Variants in PTPRN2 observed in about 807,000 individuals in gnomAD.
PTPRN2 encodes receptor-type tyrosine-protein phosphatase N2.
Under a neutral mutation model 118.8 loss-of-function variants are expected in PTPRN2, and 74 were observed. The ratio of observed to expected loss-of-function variants is 0.62; its 90% CI spans 0.52 to 0.76. The LOEUF is 0.76. Ranked by LOEUF, PTPRN2 falls within the 30% of genes least tolerant of loss-of-function variation. The probability of loss-of-function intolerance (pLI) is 0.00; values close to 1 mark genes in which losing one functional copy is unlikely to be tolerated. For synonymous variants in PTPRN2, 641 were observed against 608.0 expected, an observed-to-expected ratio of 1.05 and a Z score of -0.80; for missense variants, 1,481 against 1,394.4, an observed-to-expected ratio of 1.06 and a Z score of -0.99.
At chr7:158,326,447 C>T (rs575276288) in intron 2 of PTPRN2, among the ~76,000 whole-genome samples, 1 of 152,370 alleles carries the variant, frequency 6.6e-6, no homozygotes, top group African/African-American at 2.4e-5. Flanking sequence ...TTAATGCACA[C>T]TTGTACACGT....
chr7:158,168,499 A>G (rs988141341), intron 5 of PTPRN2, among the ~76,000 whole-genome samples: 1 of 152,148 alleles, frequency 6.6e-6, no homozygotes, highest in Non-Finnish European at 1.5e-5. Context: ...GCTGCTCCCC[A>G]ATAGCTGAAT....
intron 11 of PTPRN2, among the ~76,000 whole-genome samples, chr7:157,924,725 G>A (rs191447789): frequency 2.9e-4 from 44 of 152,372 alleles, no homozygotes; most frequent in African/African-American, 5.8e-4. Flanking sequence ...CACTTGGCAC[G>A]GTACCCTCTG....
chr7:158,177,381 T>C (rs1406408941), intron 5 of PTPRN2, among the ~76,000 whole-genome samples: 1 of 152,198 alleles, frequency 6.6e-6, no homozygotes, highest in Non-Finnish European at 1.5e-5. Flanking sequence ...GAAGTATCCG[T>C]TCAAAGTTTT....
chr7:157,753,661 G>A (rs10278758), intron 12 of PTPRN2, among the ~76,000 whole-genome samples: 2,341 of 147,840 alleles, frequency 0.016, 52 homozygotes, highest in African/African-American at 0.047. Flanking sequence ...CCTCCCCTCC[G>A]TTCTCTACCA....
intron 11 of PTPRN2, among the ~76,000 whole-genome samples, chr7:157,954,016 T>C (rs114001756): frequency 2.0e-5 from 3 of 152,208 alleles, no homozygotes; most frequent in African/African-American, 4.8e-5. Flanking sequence ...TATCTGAGGC[T>C]GCAACAGGCA....
chr7:158,196,922 CAG>C (rs1280436717), intron 4 of PTPRN2, among the ~76,000 whole-genome samples: 6 of 152,196 alleles, frequency 3.9e-5, no homozygotes, highest in Admixed American at 2.6e-4. Flanking sequence ...TCATCCCCAG[CAG>C]AGCTCCACAA....
chr7:158,245,205 TCCACGGTCATGCCGGAAC>T (rs1205174343), intron 3 of PTPRN2, among the ~76,000 whole-genome samples: 12 of 99,780 alleles, frequency 1.2e-4, no homozygotes, highest in African/African-American at 3.9e-4. Flanking sequence ...CATGCTGGAA[TCCACGGTCATGCCGGAAC>T]CCATGGCCAT....
intron 14 of PTPRN2, among the ~76,000 whole-genome samples, chr7:157,639,363 G>A (rs565540531): frequency 1.3e-5 from 2 of 152,330 alleles, no homozygotes; most frequent in South Asian, 4.1e-4. Context: ...AGAACACACA[G>A]TTGGTTCTTG....
intron 3 of PTPRN2, among the ~76,000 whole-genome samples, chr7:158,208,475 T>C (rs768385301): frequency 4.6e-5 from 7 of 152,220 alleles, no homozygotes; most frequent in African/African-American, 1.7e-4. Context: ...CAGTGGAAAC[T>C]TTACAGGCCA....
intron 9 of PTPRN2, among the ~76,000 whole-genome samples, chr7:158,116,709 G>T (rs754191321): frequency 1.3e-5 from 2 of 152,076 alleles, no homozygotes; most frequent in Non-Finnish European, 1.5e-5. Context: ...GACTTACAGG[G>T]GATTTAAAAT....
At position 157,962,395 on chromosome 7, in the gene PTPRN2, G is replaced by A. The variant is rs77401900; in HGVS notation, c.1724-63658C>T. ...CCCTTCCCGTTTCCTGTTCCTTGGT[G>A]TTGACTTTAATGCATATGTTCAGAT... On this transcript the variant is annotated intron_variant, in intron 11 of 22. Coordinates refer to ENST00000389418, the MANE Select transcript of PTPRN2 (RefSeq NM_002847.5). 0.01 allele frequency among the ~76,000 whole-genome samples: 1,593 copies of A among 152,246 alleles called. 162 individuals carry two copies. The East Asian group carries it at 0.24, about 23-fold the overall frequency.
At chr7:157,950,751 C>T (rs1194022766) in intron 11 of PTPRN2, among the ~76,000 whole-genome samples, 1 of 152,118 alleles carries the variant, frequency 6.6e-6, no homozygotes, top group Admixed American at 6.5e-5. Flanking sequence ...AGTGAAAGCG[C>T]CTTCTTTCCA....
At chr7:158,091,206 T>C (rs140483493) in intron 10 of PTPRN2, among the ~76,000 whole-genome samples, 2 of 152,358 alleles carry the variant, frequency 1.3e-5, no homozygotes, top group Non-Finnish European at 2.9e-5. Context: ...GTTTTCTGAA[T>C]AGACACTGCC....
At chr7:158,157,700 A>C (rs1427120684) in intron 6 of PTPRN2, among the ~76,000 whole-genome samples, 1 of 152,196 alleles carries the variant, frequency 6.6e-6, no homozygotes. Flanking sequence ...TGTGTCCTCA[A>C]GGTGCAGTGA....
At chr7:157,848,339 T>C (rs1809026532) in intron 12 of PTPRN2, among the ~76,000 whole-genome samples, 1 of 150,816 alleles carries the variant, frequency 6.6e-6, no homozygotes, top group South Asian at 2.1e-4. Flanking sequence ...CACTCCCTCA[T>C]GGGTGCAGTA....
intron 1 of PTPRN2, among the ~76,000 whole-genome samples, chr7:158,490,096 C>T (rs920756198): frequency 2.6e-5 from 4 of 152,188 alleles, no homozygotes; most frequent in Admixed American, 6.5e-5. Context: ...AGCAGCGGGG[C>T]CGGGGCCTCC....
intron 1 of PTPRN2, among the ~76,000 whole-genome samples, chr7:158,543,859 G>T (rs1188985028): frequency 1.3e-5 from 2 of 152,204 alleles, no homozygotes; most frequent in African/African-American, 4.8e-5. Context: ...CAAGGAAAGG[G>T]GTCAGCCTCC....
chr7:158,518,133 G>T (rs962965395), intron 1 of PTPRN2, among the ~76,000 whole-genome samples: 2 of 152,188 alleles, frequency 1.3e-5, no homozygotes, highest in African/African-American at 4.8e-5. Context: ...CTCAGTTACT[G>T]CCATGGTGTC....
Position 157,808,327 on chromosome 7 carries a change from T to C in PTPRN2, c.1788+90346A>G, listed in dbSNP as rs987330495. Among the ~76,000 whole-genome samples, 1 of 151,392 alleles carries C rather than the reference T, an allele frequency of 6.6e-6. No homozygotes were observed. The highest frequency in any genetic ancestry group is 1.5e-5 in the Non-Finnish European group (1 of 67,810). ...GGTGAGTGAGTACGTGAGTGGCAGG[T>C]AAGCGGGTGAGTGGCGGGTGAGTGA... On this transcript the variant is annotated intron_variant, in intron 12 of 22. Transcript: ENST00000389418. The surrounding 1 kb of genome is among the most constrained non-coding windows in gnomAD (Gnocchi z 5.0).
Sources: allele counts gnomAD v4.1 joint callset (sites outside exome capture counted in the v4.1 genomes callset), GRCh38; gene constraint gnomAD v4.1.1; non-coding constraint Gnocchi (gnomAD v3.1); transcripts MANE v1.5; gene names NCBI Gene and HGNC (gene_info 2026-07-23, HGNC 2026-07-21).